The following EYS variants were observed in gnomAD, a reference collection of about 807,000 sequenced individuals.
EYS encodes the protein protein eyes shut homolog.
EYS carries 250 observed loss-of-function variants against 282.1 expected under a neutral mutation model. The ratio of observed to expected loss-of-function variants is 0.89; its 90% confidence interval spans 0.80 to 0.98. The LOEUF (loss-of-function observed/expected upper bound fraction) is 0.98. Ranked by LOEUF, EYS falls within the 50% of genes least tolerant of loss-of-function variation. EYS has a pLI of 0.00. For synonymous variants in EYS, 1,355 were observed against 1,282.9 expected, an observed-to-expected ratio of 1.06 and a Z score of -1.20; for missense variants, 4,016 against 3,709.0, an observed-to-expected ratio of 1.08 and a Z score of -2.15.
chr6:65,452,199 A>G (rs1283602566), intron 5 of EYS, among the ~76,000 whole-genome samples: 1 of 151,832 alleles, frequency 6.6e-6, no homozygotes, highest in Non-Finnish European at 1.5e-5. Flanking sequence ...GTATAATAAA[A>G]CTTTCTAATA....
chr6:64,494,205 T>C (rs1407443660), intron 26 of EYS, among the ~76,000 whole-genome samples: 1 of 151,676 alleles, frequency 6.6e-6, no homozygotes, highest in Non-Finnish European at 1.5e-5. Context: ...ATCTGGTCTC[T>C]TGGGTCTGAT....
At chr6:65,504,585 C>T (rs1766582632) in intron 2 of EYS, among the ~76,000 whole-genome samples, 1 of 151,438 alleles carries the variant, frequency 6.6e-6, no homozygotes, top group South Asian at 2.1e-4. Context: ...TTTTGGCCTT[C>T]TGAGAGTTTT....
At chr6:63,733,387 A>C (rs1296196782) in intron 41 of EYS, among the ~76,000 whole-genome samples, 1 of 152,102 alleles carries the variant, frequency 6.6e-6, no homozygotes, top group African/African-American at 2.4e-5. Context: ...CCCATCACCC[A>C]AGTAGTAAGC....
At chr6:64,432,607 CTT>C (rs1313613536) in intron 28 of EYS, among the ~76,000 whole-genome samples, 10 of 151,378 alleles carry the variant, frequency 6.6e-5, no homozygotes, top group Non-Finnish European at 8.8e-5. Context: ...ATATTAAAAA[CTT>C]AATACAATAC....
intron 22 of EYS, among the ~76,000 whole-genome samples, chr6:64,696,137 G>T (rs1325850989): frequency 6.6e-6 from 1 of 152,068 alleles, no homozygotes; most frequent in African/African-American, 2.4e-5. Flanking sequence ...ATATGAATGA[G>T]AAATGTACCA....
chr6:64,381,156 T>C (rs1274775491), intron 29 of EYS, among the ~76,000 whole-genome samples: 3 of 152,186 alleles, frequency 2.0e-5, no homozygotes, highest in Non-Finnish European at 4.4e-5. Flanking sequence ...CATGTTCTTT[T>C]TACTAACTTT....
chr6:64,195,657 TATA>T (rs1169667418), intron 31 of EYS, among the ~76,000 whole-genome samples: 2 of 152,344 alleles, frequency 1.3e-5, no homozygotes, highest in East Asian at 1.9e-4. Context: ...ATAATATTAC[TATA>T]ATGTTTCTTT....
chr6:64,330,958 A>G (rs1318079236), intron 29 of EYS, among the ~76,000 whole-genome samples: 2 of 152,182 alleles, frequency 1.3e-5, no homozygotes, highest in Non-Finnish European at 2.9e-5. Flanking sequence ...TTCTCAAGCT[A>G]AAAAGACTTA....
intron 1 of EYS, among the ~76,000 whole-genome samples, chr6:65,696,753 T>C (rs1199320557): frequency 6.6e-6 from 1 of 152,066 alleles, no homozygotes; most frequent in East Asian, 1.9e-4. Context: ...CAAAGATCAC[T>C]TAAGCCATTG....
At chr6:65,521,856 G>A (rs1471642640) in intron 2 of EYS, among the ~76,000 whole-genome samples, 1 of 152,080 alleles carries the variant, frequency 6.6e-6, no homozygotes, top group Non-Finnish European at 1.5e-5. Flanking sequence ...TATTCCCAGT[G>A]TCTCGTAGGG....
chr6:64,063,812 C>G (rs1048511744), intron 33 of EYS, among the ~76,000 whole-genome samples: 1 of 152,154 alleles, frequency 6.6e-6, no homozygotes, highest in African/African-American at 2.4e-5. Context: ...ACTGCAACCT[C>G]TGCCTCCTGG....
At chr6:63,800,197 A>G (rs948542770) in intron 37 of EYS, among the ~76,000 whole-genome samples, 1 of 152,170 alleles carries the variant, frequency 6.6e-6, no homozygotes, top group Non-Finnish European at 1.5e-5. Flanking sequence ...AGTGCTATTT[A>G]TATTCCAGAT....
At chr6:65,433,172 T>C (rs1258893417) in intron 5 of EYS, among the ~76,000 whole-genome samples, 1 of 152,124 alleles carries the variant, frequency 6.6e-6, no homozygotes, top group East Asian at 1.9e-4. Flanking sequence ...TTTTTAAATA[T>C]ATAAAACTAG....
intron 31 of EYS, among the ~76,000 whole-genome samples, chr6:64,134,973 T>TTA (rs1774111310): frequency 6.6e-6 from 1 of 152,060 alleles, no homozygotes; most frequent in South Asian, 2.1e-4. Flanking sequence ...AGGCAGAAAG[T>TTA]TAAATACATT....
At chr6:63,904,913 T>C (rs1226342155) in intron 35 of EYS, among the ~76,000 whole-genome samples, 3 of 152,216 alleles carry the variant, frequency 2.0e-5, no homozygotes, top group Non-Finnish European at 4.4e-5. Context: ...ACCATAAAAT[T>C]CACTGTTTAA....
At chr6:64,809,624 A>G (rs548317931) in intron 22 of EYS, among the ~76,000 whole-genome samples, 20 of 152,244 alleles carry the variant, frequency 1.3e-4, no homozygotes, top group Non-Finnish European at 2.2e-4. Flanking sequence ...ACACCACACC[A>G]TAGAGTACTA....
chr6:64,527,087 C>T (rs185236928), intron 26 of EYS, among the ~76,000 whole-genome samples: 140 of 151,750 alleles, frequency 9.2e-4, no homozygotes, highest in African/African-American at 3.2e-3. Context: ...ATTTTGAAGC[C>T]TTTTGCAGGA....
chr6:63,923,933 C>T (rs1764643332), intron 35 of EYS, among the ~76,000 whole-genome samples: 1 of 152,050 alleles, frequency 6.6e-6, no homozygotes, highest in South Asian at 2.1e-4. Context: ...ATACTAAATC[C>T]TTTATCTTAA....
intron 31 of EYS, among the ~76,000 whole-genome samples, chr6:64,146,916 T>C (rs1338572758): frequency 6.6e-6 from 1 of 152,194 alleles, no homozygotes; most frequent in Admixed American, 6.6e-5. Context: ...TCCATTTTTC[T>C]GATGAAAAAT....
Sources: allele counts gnomAD v4.1 joint callset (sites outside exome capture counted in the v4.1 genomes callset), GRCh38; gene constraint gnomAD v4.1.1; transcripts MANE v1.5; gene names NCBI Gene and HGNC (gene_info 2026-07-23, HGNC 2026-07-21).